The following NLGN4Y variants were observed in gnomAD, a reference collection of about 807,000 sequenced individuals.
NLGN4Y encodes neuroligin 4 Y-linked.
NLGN4Y carries 4 observed loss-of-function variants against 8.4 expected under a neutral mutation model. The observed-to-expected ratio is 0.48, with a 90% CI of 0.23 to 1.09. NLGN4Y has a LOEUF of 1.09. Among genes scored for constraint, NLGN4Y ranks in the 50% least tolerant of loss-of-function variants. The pLI, the probability that NLGN4Y is intolerant of heterozygous loss-of-function variation, is 0.19. For missense variants in NLGN4Y, 90 were observed against 192.3 expected, an observed-to-expected ratio of 0.47 and a Z score of 3.15; for synonymous variants, 35 against 75.6, an observed-to-expected ratio of 0.46 and a Z score of 2.78.
At position 14,612,522 on chromosome Y, in the gene NLGN4Y, G is replaced by A. The variant is rs532593641; in HGVS notation, c.-111-9487G>A. On this transcript the variant is annotated intron_variant, in intron 1 of 6. Transcript: ENST00000684976. ...ATGTTGATGTTATTGCTTTCTGTTC[G>A]TTTGTTTTCTTTCTAACAGTCAGGC... 5.8e-3 allele frequency among the ~76,000 whole-genome samples: 196 copies of A among 33,768 alleles called. No individual in the cohort carries two copies. The South Asian group carries it at 0.12, about 21-fold the overall frequency. 90.6% of individuals were successfully genotyped at this position (33,768 alleles called of 37,273 possible).
At chrY:14,531,581 TTAA>T (rs2080115179) in intron 1 of NLGN4Y, among the ~76,000 whole-genome samples, 2 of 30,958 alleles carry the variant, frequency 6.5e-5, no homozygotes, top group African/African-American at 2.5e-4. Context: ...AAGTTATATA[TTAA>T]TATATAGCAT....
At chrY:14,825,821 A>G in intron 5 of NLGN4Y, among the ~76,000 whole-genome samples, 2 of 32,912 alleles carry the variant, frequency 6.1e-5, no homozygotes, top group African/African-American at 2.4e-4. Flanking sequence ...CCGCAGAAAC[A>G]CACTCACATC....
chrY:14,545,894 G>T, intron 1 of NLGN4Y, among the ~76,000 whole-genome samples: 5 of 32,682 alleles, frequency 1.5e-4, no homozygotes, highest in Admixed American at 1.4e-3. Flanking sequence ...TTCTTCTAGG[G>T]TTTTTATGGT....
At chrY:14,733,037 C>T (rs2080977629) in intron 4 of NLGN4Y, among the ~76,000 whole-genome samples, 1 of 33,147 alleles carries the variant, frequency 3.0e-5, no homozygotes, top group East Asian at 7.8e-4. Context: ...CAGCAGCTTC[C>T]GGTTTCTAAA....
At chrY:14,695,757 C>G in intron 2 of NLGN4Y, among the ~76,000 whole-genome samples, 1 of 32,889 alleles carries the variant, frequency 3.0e-5, no homozygotes, top group South Asian at 7.0e-4. Flanking sequence ...AAATGACACA[C>G]TTTTGTCATC....
chrY:14,668,116 C>A, intron 2 of NLGN4Y, among the ~76,000 whole-genome samples: 1 of 32,474 alleles, frequency 3.1e-5, no homozygotes, highest in Non-Finnish European at 7.5e-5. Context: ...ACCATAATGA[C>A]GAAGATGGAG....
At chrY:14,831,552 A>G (rs2150597564) in intron 6 of NLGN4Y, among the ~76,000 whole-genome samples, 1 of 29,788 alleles carries the variant, frequency 3.4e-5, no homozygotes, top group South Asian at 7.2e-4. Flanking sequence ...GCATTTGTAT[A>G]TATATACACA....
intron 4 of NLGN4Y, among the ~76,000 whole-genome samples, chrY:14,816,980 C>A: frequency 6.0e-5 from 2 of 33,315 alleles, no homozygotes; most frequent in Non-Finnish European, 7.4e-5. Context: ...CATGAGTAGT[C>A]CAGACAGTGA....
At chrY:14,828,890 C>G (rs2150595511) in intron 5 of NLGN4Y, among the ~76,000 whole-genome samples, 3 of 33,262 alleles carry the variant, frequency 9.0e-5, no homozygotes, top group Admixed American at 2.7e-4. Flanking sequence ...TTTTATACTT[C>G]TGGACATTCA....
At position 14,638,171 on chromosome Y, in the gene NLGN4Y, C is replaced by T; in HGVS notation, c.472+15580C>T. Among the ~76,000 whole-genome samples, 4 of 32,417 alleles carry T rather than the reference C, an allele frequency of 1.2e-4. No homozygotes were observed. In the South Asian group the frequency reaches 2.9e-3, roughly 23 times the overall value. 87.0% of individuals were successfully genotyped at this position (32,417 alleles called of 37,273 possible). On this transcript the variant is annotated intron_variant, in intron 2 of 6. Coordinates refer to ENST00000684976, the MANE Select transcript of NLGN4Y (RefSeq NM_001365588.1). The stretch of plus-strand genomic sequence containing the variant: ...GTATTTCTTCTGATGCTATCCCTCC[C>T]GTAGCCCCCCATACACCAACAGGCC...
chrY:14,717,169 G>C, intron 2 of NLGN4Y, among the ~76,000 whole-genome samples: 1 of 33,534 alleles, frequency 3.0e-5, no homozygotes, highest in East Asian at 7.9e-4. Flanking sequence ...CGAGGCGGGC[G>C]GATCACGAGG....
chrY:14,711,594 G>T (rs2080899268), intron 2 of NLGN4Y, among the ~76,000 whole-genome samples: 3 of 32,469 alleles, frequency 9.2e-5, no homozygotes, highest in African/African-American at 3.6e-4. Flanking sequence ...CCAACTTTCA[G>T]GTACTCAACC....
At chrY:14,838,289 T>TTA (rs2043204424) in intron 6 of NLGN4Y, among the ~76,000 whole-genome samples, 2 of 33,131 alleles carry the variant, frequency 6.0e-5, no homozygotes, top group African/African-American at 2.3e-4. Flanking sequence ...TTATGTGATT[T>TTA]TATATATATA....
intron 2 of NLGN4Y, among the ~76,000 whole-genome samples, chrY:14,641,014 A>G (rs933957932): frequency 1.6e-3 from 55 of 33,653 alleles, no homozygotes; most frequent in Non-Finnish European, 6.6e-4. Flanking sequence ...GTCCACACCA[A>G]ATCTAATAAC....
chrY:14,659,786 G>T, intron 2 of NLGN4Y, among the ~76,000 whole-genome samples: 1 of 32,637 alleles, frequency 3.1e-5, no homozygotes, highest in African/African-American at 1.2e-4. Context: ...TGCAGCTAGG[G>T]TTACTGGCTA....
intron 4 of NLGN4Y, among the ~76,000 whole-genome samples, chrY:14,758,112 G>A (rs111600011): frequency 0.072 from 2,413 of 33,666 alleles, no homozygotes; most frequent in Non-Finnish European, 0.11. Context: ...GTCTTTGAAC[G>A]CCCTTCAGAA....
At chrY:14,679,149 A>C in intron 2 of NLGN4Y, among the ~76,000 whole-genome samples, 2 of 32,434 alleles carry the variant, frequency 6.2e-5, no homozygotes, top group Non-Finnish European at 1.5e-4. Context: ...GCCCAGATAT[A>C]TATTTTTTTA....
At chrY:14,673,457 T>C in intron 2 of NLGN4Y, among the ~76,000 whole-genome samples, 2 of 33,501 alleles carry the variant, frequency 6.0e-5, no homozygotes, top group African/African-American at 2.3e-4. Flanking sequence ...ATCAGAGAAA[T>C]GCAAATCAAA....
chrY:14,842,649 C>G lies in NLGN4Y; in HGVS notation c.*1387C>G. The G allele has an allele frequency of 8.2e-6, 1 of 121,777 alleles. No individual in the cohort carries two copies. The highest frequency in any genetic ancestry group is 1.8e-5 in the Non-Finnish European group (1 of 56,163). The allele number at this position is 121,777 out of a possible 400,897, so 30.4% of individuals were successfully genotyped here. On this transcript the variant is annotated 3_prime_UTR_variant, in exon 7 of 7. Coordinates refer to ENST00000684976, the MANE Select transcript of NLGN4Y (RefSeq NM_001365588.1). The stretch of plus-strand genomic sequence containing the variant: ...AAAACATATGCTTGTCTGAAAATAT[C>G]ACCTTTTGTGGATTTATCTGATCAC...
Sources: gnomAD v4.1 joint callset for allele counts (sites outside exome capture counted in the v4.1 genomes callset) on GRCh38, gnomAD v4.1.1 for gene constraint, MANE v1.5 for transcripts, NCBI Gene and HGNC (gene_info 2026-07-23, HGNC 2026-07-21) for gene names.